RPS6KC1: variants seen among roughly 807,000 people sequenced by gnomAD.
RPS6KC1 encodes the protein ribosomal protein S6 kinase C1, also known as inactive ribosomal protein S6 kinase delta-1.
In RPS6KC1, 54 loss-of-function variants were observed where a neutral mutation model predicts 103.8. The observed-to-expected ratio is 0.52, with a 90% confidence interval of 0.42 to 0.65. The LOEUF is 0.65. RPS6KC1 is among the 30% of genes least tolerant of loss of function. The probability of loss-of-function intolerance (pLI) is 0.00; values close to 1 mark genes in which losing one functional copy is unlikely to be tolerated. For missense variants in RPS6KC1, 1,151 were observed against 1,253.8 expected (o/e 0.92, Z 1.24); for synonymous variants, 439 against 438.7 (o/e 1.00, Z -0.01).
the RPS6KC1 span, among the ~76,000 whole-genome samples, chr1:213,657,424 G>T: frequency 1.3e-5 from 2 of 151,682 alleles, no homozygotes; most frequent in East Asian, 3.9e-4. Flanking sequence ...GGTAGATGTA[G>T]CTAAAAAAAA....
At chr1:213,056,626 C>T (rs1445729061) in intron 1 of RPS6KC1, among the ~76,000 whole-genome samples, 2 of 152,188 alleles carry the variant, frequency 1.3e-5, no homozygotes, top group East Asian at 3.8e-4. Flanking sequence ...AATCGAAGCA[C>T]TATTTATATT....
At chr1:213,809,385 T>TA in the RPS6KC1 span, among the ~76,000 whole-genome samples, 1 of 152,310 alleles carries the variant, frequency 6.6e-6, no homozygotes. Flanking sequence ...GATATAACGA[T>TA]AATTTAAAAG....
chr1:213,353,043 G>A, the RPS6KC1 span, among the ~76,000 whole-genome samples: 2 of 152,186 alleles, frequency 1.3e-5, no homozygotes, highest in African/African-American at 2.4e-5. Flanking sequence ...AGACAACATC[G>A]TTGGGACTTC....
At chr1:213,451,231 AT>A in the RPS6KC1 span, among the ~76,000 whole-genome samples, 4 of 152,214 alleles carry the variant, frequency 2.6e-5, no homozygotes, top group African/African-American at 9.6e-5. Context: ...ATATAGTGTT[AT>A]TTAATGTTCT....
the RPS6KC1 span, among the ~76,000 whole-genome samples, chr1:213,713,619 G>A: frequency 6.6e-6 from 1 of 152,174 alleles, no homozygotes; most frequent in African/African-American, 2.4e-5. Flanking sequence ...GTATGTAAAT[G>A]TATGCAAGCC....
chr1:213,419,603 C>T, the RPS6KC1 span, among the ~76,000 whole-genome samples: 1 of 152,172 alleles, frequency 6.6e-6, no homozygotes, highest in Non-Finnish European at 1.5e-5. Flanking sequence ...AGCATACTGC[C>T]CCCGTCTGTC....
chr1:213,763,258 C>A, the RPS6KC1 span, among the ~76,000 whole-genome samples: 6 of 152,306 alleles, frequency 3.9e-5, no homozygotes, highest in Admixed American at 2.0e-4. Flanking sequence ...AGGAACCAAA[C>A]GACGAGAGTC....
At chr1:213,768,232 A>G in the RPS6KC1 span, among the ~76,000 whole-genome samples, 1 of 152,182 alleles carries the variant, frequency 6.6e-6, no homozygotes, top group South Asian at 2.1e-4. Context: ...TACACTCCTG[A>G]CGCTGACCAG....
chr1:213,516,406 C>A, the RPS6KC1 span, among the ~76,000 whole-genome samples: 2 of 152,132 alleles, frequency 1.3e-5, no homozygotes, highest in African/African-American at 4.8e-5. Flanking sequence ...TACGTCCCAT[C>A]AATACCTAAT....
the RPS6KC1 span, among the ~76,000 whole-genome samples, chr1:213,718,797 T>C: frequency 6.6e-6 from 1 of 152,198 alleles, no homozygotes; most frequent in Non-Finnish European, 1.5e-5. Context: ...ATGTGAATCA[T>C]CTGGAGAGCT....
At chr1:213,427,585 T>A in the RPS6KC1 span, among the ~76,000 whole-genome samples, 1 of 152,242 alleles carries the variant, frequency 6.6e-6, no homozygotes, top group African/African-American at 2.4e-5. Context: ...TATAAATATT[T>A]ATTTTTCTTA....
At chr1:213,071,194 A>C (rs997989978) in intron 2 of RPS6KC1, among the ~76,000 whole-genome samples, 153 bp downstream of exon 2, 1 of 152,154 alleles carries the variant, frequency 6.6e-6, no homozygotes, top group South Asian at 2.1e-4. Flanking sequence ...CAGTGGCGCA[A>C]TCTCGGCTCA....
At chr1:213,434,127 A>G in the RPS6KC1 span, among the ~76,000 whole-genome samples, 1 of 146,260 alleles carries the variant, frequency 6.8e-6, no homozygotes, top group African/African-American at 2.5e-5. Flanking sequence ...AAAAGCACTT[A>G]CTCATTTGGT....
the RPS6KC1 span, among the ~76,000 whole-genome samples, chr1:213,858,979 G>A: frequency 6.6e-6 from 1 of 152,206 alleles, no homozygotes; most frequent in Non-Finnish European, 1.5e-5. Context: ...ATGCAGGCTG[G>A]TGATGCCAAA....
the RPS6KC1 span, among the ~76,000 whole-genome samples, chr1:213,583,977 C>T: frequency 2.6e-5 from 4 of 152,128 alleles, no homozygotes; most frequent in Admixed American, 6.5e-5. Flanking sequence ...ACCCAAATCT[C>T]ATCTTGAATT....
At chr1:213,854,562 T>TTCTTTCTC in the RPS6KC1 span, among the ~76,000 whole-genome samples, 111 of 122,602 alleles carry the variant, frequency 9.1e-4, no homozygotes, top group African/African-American at 1.5e-3. Flanking sequence ...CTTTCTTTCT[T>TTCTTTCTC]TCTCTCTCTC....
the RPS6KC1 span, among the ~76,000 whole-genome samples, chr1:213,419,797 G>A: frequency 6.6e-6 from 1 of 152,212 alleles, no homozygotes; most frequent in Non-Finnish European, 1.5e-5. Context: ...AGCTGCATGT[G>A]TCAGGGTCTG....
At chr1:213,789,670 C>G in the RPS6KC1 span, among the ~76,000 whole-genome samples, 23 of 152,286 alleles carry the variant, frequency 1.5e-4, no homozygotes, top group South Asian at 4.8e-3. Flanking sequence ...ATAAGGTACT[C>G]TATCGAGTCT....
At chr1:213,243,851 T>A (rs1233199427) in intron 12 of RPS6KC1, among the ~76,000 whole-genome samples, 1 of 152,192 alleles carries the variant, frequency 6.6e-6, no homozygotes, top group Non-Finnish European at 1.5e-5. Flanking sequence ...TAACCTTGTT[T>A]CTCTGCATAA....
Sources: allele counts gnomAD v4.1 joint callset (sites outside exome capture counted in the v4.1 genomes callset), GRCh38; gene constraint gnomAD v4.1.1; transcripts MANE v1.5; gene names NCBI Gene and HGNC (gene_info 2026-07-23, HGNC 2026-07-21).